Variants in CSMD2 observed in about 807,000 individuals in gnomAD.
CSMD2 encodes CUB and Sushi multiple domains 2.
Under a neutral mutation model 398.5 loss-of-function variants are expected in CSMD2, and 130 were observed. The observed-to-expected ratio is 0.33, with a 90% confidence interval of 0.28 to 0.38. The LOEUF (loss-of-function observed/expected upper bound fraction) is 0.38, where lower values mean the gene tolerates loss of function less well. Among genes scored for constraint, CSMD2 ranks in the 10% least tolerant of loss-of-function variants. The pLI is 1.00. For missense variants in CSMD2, 3,829 were observed against 4,764.9 expected (o/e 0.80, Z 5.78); for synonymous variants, 1,828 against 1,908.5 (o/e 0.96, Z 1.10).
At chr1:33,602,576 C>A in intron 42 of CSMD2, 30 bp from the exon 43 acceptor site, 1 of 1,542,452 alleles carries the variant, frequency 6.5e-7, no homozygotes. Flanking sequence ...AACGTAAGTG[C>A]AGGGCCTCGG....
chr1:33,880,181 C>CA (rs1219418027), intron 5 of CSMD2, among the ~76,000 whole-genome samples: 3 of 152,080 alleles, frequency 2.0e-5, no homozygotes, highest in Non-Finnish European at 4.4e-5. Flanking sequence ...CCAGGCACCC[C>CA]AAAAATGTAT....
At chr1:34,071,604 C>T (rs1655740058) in intron 2 of CSMD2, among the ~76,000 whole-genome samples, 1 of 152,180 alleles carries the variant, frequency 6.6e-6, no homozygotes, top group African/African-American at 2.4e-5. Flanking sequence ...TTTCCATCTA[C>T]CTTCCACTAA....
intron 44 of CSMD2, chr1:33,598,711 G>A (rs916243230): frequency 1.4e-4 from 15 of 104,846 alleles, no homozygotes; most frequent in African/African-American, 5.7e-4. Flanking sequence ...CACACTTGTT[G>A]CCCAGGCTGG....
chr1:33,989,648 T>C (rs1339706793), intron 3 of CSMD2, among the ~76,000 whole-genome samples: 1 of 151,716 alleles, frequency 6.6e-6, no homozygotes, highest in African/African-American at 2.4e-5. Flanking sequence ...TTTTCAGCAG[T>C]AAAAAAAATG....
chr1:34,107,097 C>T (rs1488176888), intron 1 of CSMD2, among the ~76,000 whole-genome samples: 1 of 152,176 alleles, frequency 6.6e-6, no homozygotes, highest in Non-Finnish European at 1.5e-5. Context: ...TCTCTGGGGC[C>T]AGGGGCCTCT....
chr1:33,958,042 G>C (rs1216850539), intron 3 of CSMD2, among the ~76,000 whole-genome samples: 1 of 152,050 alleles, frequency 6.6e-6, no homozygotes, highest in Non-Finnish European at 1.5e-5. Context: ...CTCTTTGAGG[G>C]ATGCTTCATG....
intron 22 of CSMD2, among the ~76,000 whole-genome samples, chr1:33,706,749 T>A (rs970972603): frequency 6.6e-6 from 1 of 152,156 alleles, no homozygotes; most frequent in African/African-American, 2.4e-5. Context: ...GAGCATTTCC[T>A]ACCCTGGTGC....
chr1:34,014,101 G>C (rs1418298945), intron 3 of CSMD2, among the ~76,000 whole-genome samples: 1 of 152,124 alleles, frequency 6.6e-6, no homozygotes, highest in Non-Finnish European at 1.5e-5. Flanking sequence ...AGTTCTATTA[G>C]CTCCACCTTC....
intron 25 of CSMD2, among the ~76,000 whole-genome samples, chr1:33,684,807 T>TC (rs2149077255): frequency 6.6e-6 from 1 of 152,334 alleles, no homozygotes; most frequent in South Asian, 2.1e-4. Flanking sequence ...CACCCCCAAC[T>TC]GCCATACAGA....
At chr1:33,747,459 T>C (rs1008915202) in intron 13 of CSMD2, among the ~76,000 whole-genome samples, 14 of 152,204 alleles carry the variant, frequency 9.2e-5, no homozygotes, top group Admixed American at 5.9e-4. Flanking sequence ...GGTTGGAGCA[T>C]GCTTTTAAAG....
chr1:33,532,590 C>G (rs1430811778), intron 64 of CSMD2, among the ~76,000 whole-genome samples: 1 of 152,210 alleles, frequency 6.6e-6, no homozygotes, highest in African/African-American at 2.4e-5. Context: ...AGGGTTGTGT[C>G]TTTCCCCTCT....
intron 41 of CSMD2, chr1:33,605,982 G>A: frequency 6.2e-7 from 1 of 1,612,276 alleles, no homozygotes; most frequent in Non-Finnish European, 8.5e-7. Flanking sequence ...GTGGGAGTAA[G>A]TCAAATCTGT....
At chr1:33,625,007 G>A in intron 34 of CSMD2, 44 bp downstream of exon 34, 1 of 1,586,702 alleles carries the variant, frequency 6.3e-7, no homozygotes, top group Non-Finnish European at 8.6e-7. Flanking sequence ...AAAGGACTAC[G>A]TGCCGCCCCC....
chr1:33,732,618 G>A (rs1646757174), intron 15 of CSMD2, among the ~76,000 whole-genome samples: 1 of 152,198 alleles, frequency 6.6e-6, no homozygotes, highest in Non-Finnish European at 1.5e-5. Flanking sequence ...AGACCTGTGA[G>A]AAAATAAATT....
intron 1 of CSMD2, among the ~76,000 whole-genome samples, chr1:34,135,541 C>T (rs1380053845): frequency 7.5e-6 from 1 of 132,570 alleles, no homozygotes; most frequent in Non-Finnish European, 1.5e-5. Context: ...TCGCTTAAAC[C>T]CGGGAGGCGG....
chr1:33,614,400 C>T (rs567594149), intron 40 of CSMD2, 104 bp downstream of exon 40: 2 of 720,640 alleles, frequency 2.8e-6, no homozygotes, highest in South Asian at 3.0e-5. Flanking sequence ...GAGTACTAAA[C>T]AGACTTGGCC....
chr1:33,831,397 T>C (rs1355757702), intron 6 of CSMD2, among the ~76,000 whole-genome samples: 2 of 152,180 alleles, frequency 1.3e-5, no homozygotes, highest in Admixed American at 6.5e-5. Context: ...CAGAATTTCA[T>C]ATCCAGCCAA....
chr1:33,674,992 C>T (rs1265007693), intron 25 of CSMD2, among the ~76,000 whole-genome samples: 1 of 152,068 alleles, frequency 6.6e-6, no homozygotes, highest in Non-Finnish European at 1.5e-5. Context: ...ACTAAATGCC[C>T]ACAAGAGAAA....
intron 5 of CSMD2, among the ~76,000 whole-genome samples, chr1:33,848,153 AT>A (rs1301431877): frequency 6.6e-6 from 1 of 152,200 alleles, no homozygotes; most frequent in East Asian, 1.9e-4. Context: ...TCTTGGAACT[AT>A]AAAGGTGAGG....
Sources: allele counts gnomAD v4.1 joint callset (sites outside exome capture counted in the v4.1 genomes callset), GRCh38; gene constraint gnomAD v4.1.1; transcripts MANE v1.5; gene names NCBI Gene and HGNC (gene_info 2026-07-23, HGNC 2026-07-21).